The following SEMA6D variants were observed in gnomAD, a reference collection of about 807,000 sequenced individuals.
The protein encoded by SEMA6D is semaphorin-6D.
A neutral mutation model predicts 106.6 loss-of-function variants in SEMA6D; 35 were observed. The observed-to-expected ratio is 0.33, with a 90% confidence interval of 0.25 to 0.44. SEMA6D has a LOEUF of 0.44. SEMA6D is among the 20% of genes least tolerant of loss of function. The pLI, the probability that SEMA6D is intolerant of heterozygous loss-of-function variation, is 1.00. For synonymous variants in SEMA6D, 499 were observed against 487.7 expected, an observed-to-expected ratio of 1.02 and a Z score of -0.31; for missense variants, 1,185 against 1,345.9, an observed-to-expected ratio of 0.88 and a Z score of 1.87.
chr15:47,245,445 G>A (rs530754942), intron 1 of SEMA6D, among the ~76,000 whole-genome samples: 1 of 152,262 alleles, frequency 6.6e-6, no homozygotes, highest in Admixed American at 6.5e-5. Flanking sequence ...CCATTCTTGT[G>A]TTCTCTGATC....
intron 1 of SEMA6D, among the ~76,000 whole-genome samples, chr15:47,738,667 T>C (rs986124186): frequency 6.6e-6 from 1 of 152,266 alleles, no homozygotes; most frequent in Admixed American, 6.5e-5. Flanking sequence ...GGAAGCAGGA[T>C]TTCAGGATAA....
rs530421284 is a variant in SEMA6D at position 47,461,137 on chromosome 15, G to A, written c.-158-9337G>A. ...CCAGACCACTCTCTGCTTGGTCTTCGCATCACTGCCTTTATTTGATTCTTA... is the reference window on the plus strand; with the variant it reads ...CCAGACCACTCTCTGCTTGGTCTTCACATCACTGCCTTTATTTGATTCTTA... On this transcript the variant is annotated intron_variant, in intron 2 of 19. Transcript: ENST00000558014. Among the ~76,000 whole-genome samples the A allele has an allele frequency of 4.6e-5, 7 of 152,054 alleles. No individual in the cohort carries two copies. The East Asian group carries it at 7.8e-4, about 17-fold the overall frequency.
intron 4 of SEMA6D, among the ~76,000 whole-genome samples, chr15:47,626,302 T>G (rs1166538507): frequency 6.6e-6 from 1 of 152,220 alleles, no homozygotes; most frequent in African/African-American, 2.4e-5. Context: ...ATGTGCTTAC[T>G]AAGACACTAT....
chr15:47,246,532 T>G (rs1277313834), intron 1 of SEMA6D, among the ~76,000 whole-genome samples: 1 of 152,180 alleles, frequency 6.6e-6, no homozygotes, highest in Non-Finnish European at 1.5e-5. Flanking sequence ...TCCATTTCCT[T>G]GCTTTTCCAG....
At chr15:47,760,091 T>C in intron 2 of SEMA6D, 184 bp downstream of exon 2, 1 of 642,892 alleles carries the variant, frequency 1.6e-6, no homozygotes, top group East Asian at 2.7e-5. Flanking sequence ...TGTTGGGTGC[T>C]TTTCTACAGC....
intron 1 of SEMA6D, among the ~76,000 whole-genome samples, chr15:47,267,921 C>A (rs952831103): frequency 6.6e-6 from 1 of 151,964 alleles, no homozygotes; most frequent in South Asian, 2.1e-4. Context: ...ATAACTGCAT[C>A]ATTTGTATGC....
At chr15:47,237,731 A>C (rs565628492) in intron 1 of SEMA6D, among the ~76,000 whole-genome samples, 10 of 152,132 alleles carry the variant, frequency 6.6e-5, no homozygotes, top group African/African-American at 2.4e-4. Flanking sequence ...CCTTTTAACT[A>C]TGACCGTTTT....
intron 1 of SEMA6D, among the ~76,000 whole-genome samples, chr15:47,306,095 T>C (rs1026590988): frequency 2.6e-5 from 4 of 152,056 alleles, no homozygotes; most frequent in Non-Finnish European, 5.9e-5. Context: ...GATTCTCCTG[T>C]CTCAGCCTCC....
intron 3 of SEMA6D, among the ~76,000 whole-genome samples, chr15:47,473,123 A>G (rs2042901263): frequency 2.0e-5 from 3 of 152,146 alleles, no homozygotes; most frequent in Admixed American, 2.0e-4. Flanking sequence ...AATCCTTTGG[A>G]CAGCCGTGAG....
intron 1 of SEMA6D, among the ~76,000 whole-genome samples, chr15:47,751,292 C>A (rs2081419673): frequency 6.6e-6 from 1 of 152,170 alleles, no homozygotes; most frequent in Admixed American, 6.5e-5. Context: ...TATAATTGAT[C>A]TTCAATTACA....
chr15:47,767,213 CAT>C, intron 17 of SEMA6D, 120 bp downstream of exon 17: 1 of 613,614 alleles, frequency 1.6e-6, no homozygotes. Context: ...CGCTTTGACT[CAT>C]ATTCCCACTG....
intron 1 of SEMA6D, chr15:47,398,031 C>T (rs1414660308): frequency 6.6e-6 from 1 of 152,134 alleles, no homozygotes; most frequent in Non-Finnish European, 1.5e-5. Context: ...CCCTCCATTC[C>T]CCAACCCCCA....
chr15:47,491,990 G>T (rs988782422), intron 3 of SEMA6D, among the ~76,000 whole-genome samples: 2 of 152,148 alleles, frequency 1.3e-5, no homozygotes, highest in African/African-American at 4.8e-5. Flanking sequence ...AATCATGAAT[G>T]CTGGGTATGA....
At chr15:47,700,525 G>A (rs1274951982) in intron 4 of SEMA6D, among the ~76,000 whole-genome samples, 1 of 152,138 alleles carries the variant, frequency 6.6e-6, no homozygotes, top group Non-Finnish European at 1.5e-5. Context: ...GACAAAGCAA[G>A]ATCCTTTCTC....
chr15:47,719,015 A>G (rs2079259570), intron 1 of SEMA6D: 1 of 152,258 alleles, frequency 6.6e-6, no homozygotes, highest in African/African-American at 2.4e-5. Flanking sequence ...GATTGAAATG[A>G]AAGGTCATAA....
intron 2 of SEMA6D, among the ~76,000 whole-genome samples, chr15:47,418,629 G>A (rs913438819): frequency 1.3e-5 from 2 of 152,066 alleles, no homozygotes; most frequent in Non-Finnish European, 2.9e-5. Context: ...TAAAGGGTTA[G>A]GATTTCAACA....
At chr15:47,407,414 A>C (rs1380039935) in intron 1 of SEMA6D, among the ~76,000 whole-genome samples, 3 of 150,440 alleles carry the variant, frequency 2.0e-5, no homozygotes, top group Non-Finnish European at 4.4e-5. Context: ...AACAACAAAA[A>C]AAACAAAAAA....
At chr15:47,582,889 G>A (rs556537798) in intron 3 of SEMA6D, among the ~76,000 whole-genome samples, 38 of 152,216 alleles carry the variant, frequency 2.5e-4, no homozygotes, top group African/African-American at 8.9e-4. Flanking sequence ...CGTAGACACT[G>A]CTATACCTTT....
intron 1 of SEMA6D, among the ~76,000 whole-genome samples, chr15:47,203,706 A>G (rs987695528): frequency 2.0e-5 from 3 of 152,170 alleles, no homozygotes; most frequent in African/African-American, 7.2e-5. Context: ...AAGAGTGTCA[A>G]CCTTGACCCT....
Sources: allele counts gnomAD v4.1 joint callset (sites outside exome capture counted in the v4.1 genomes callset), GRCh38; gene constraint gnomAD v4.1.1; transcripts MANE v1.5; gene names NCBI Gene and HGNC (gene_info 2026-07-23, HGNC 2026-07-21).